The following ATXN2 variants were observed in gnomAD, a reference collection of about 807,000 sequenced individuals.
ATXN2 encodes ataxin-2.
Under a neutral mutation model 138.6 loss-of-function variants are expected in ATXN2, and 37 were observed. The observed-to-expected ratio is 0.27, with a 90% CI of 0.21 to 0.35. The LOEUF (loss-of-function observed/expected upper bound fraction) is 0.35. Ranked by LOEUF, ATXN2 falls within the 10% of genes least tolerant of loss-of-function variation. The pLI, the probability that ATXN2 is intolerant of heterozygous loss-of-function variation, is 1.00. For missense variants in ATXN2, 1,216 were observed against 1,480.3 expected (o/e 0.82, Z 2.93); for synonymous variants, 549 against 543.7 (o/e 1.01, Z -0.13).
chr12:111,595,456 A>G (rs879309236), intron 1 of ATXN2, among the ~76,000 whole-genome samples: 2 of 151,866 alleles, frequency 1.3e-5, no homozygotes, highest in Admixed American at 1.3e-4. Context: ...AAACTGGCCA[A>G]CATGGTGAAA....
rs1427880841 is a variant in ATXN2, at chr12:111,581,605, A to G, written c.251+17179T>C. The G allele has an allele frequency of 1.0e-5, 8 of 802,574 alleles. No homozygotes were observed. In the East Asian group the frequency reaches 2.0e-4, roughly 20 times the overall value. The allele number at this position is 802,574 out of a possible 1,614,324, so 49.7% of individuals were successfully genotyped here. On this transcript the variant is annotated intron_variant, in intron 1 of 24. Coordinates refer to ENST00000673436, the MANE Select transcript of ATXN2 (RefSeq NM_001372574.1). Reference sequence around the variant, plus strand: ...TGAACTCCTGCTGCCTGGGCTTCATAGCATTGGCCTACTCCGTGAAGTCTA... The same window carrying G: ...TGAACTCCTGCTGCCTGGGCTTCATGGCATTGGCCTACTCCGTGAAGTCTA...
intron 5 of ATXN2, among the ~76,000 whole-genome samples, chr12:111,534,028 C>G (rs1011624728): frequency 3.3e-5 from 5 of 151,764 alleles, no homozygotes; most frequent in African/African-American, 1.2e-4. Context: ...CAGTTATTCC[C>G]TGGTTTAGGA....
intron 5 of ATXN2, among the ~76,000 whole-genome samples, chr12:111,529,584 G>C (rs899493562): frequency 1.3e-5 from 2 of 152,122 alleles, no homozygotes; most frequent in Non-Finnish European, 2.9e-5. Context: ...TTCTGATTCT[G>C]GGCAGAAACT....
chr12:111,471,169 C>T (rs563598277), intron 18 of ATXN2: 1 of 186,400 alleles, frequency 5.4e-6, no homozygotes, highest in East Asian at 1.2e-4. Flanking sequence ...CACTAACTTT[C>T]TATCTTCCTT....
chr12:111,566,242 G>C (rs899980179), intron 1 of ATXN2, among the ~76,000 whole-genome samples: 1 of 151,932 alleles, frequency 6.6e-6, no homozygotes, highest in Admixed American at 6.6e-5. Context: ...AGACCAGCCT[G>C]ACCAACATGG....
At chr12:111,507,501 G>GC (rs1879225984) in intron 14 of ATXN2, among the ~76,000 whole-genome samples, 1 of 151,310 alleles carries the variant, frequency 6.6e-6, no homozygotes, top group Admixed American at 6.6e-5. Context: ...GTGGGGGTCA[G>GC]CCCCCGCCCG....
chr12:111,586,556 T>G (rs1427952051), intron 1 of ATXN2, among the ~76,000 whole-genome samples: 1 of 152,000 alleles, frequency 6.6e-6, no homozygotes. Context: ...CATTTAATTT[T>G]TTTGTATTTT....
At chr12:111,458,749 T>C (rs1267311335) in intron 21 of ATXN2, among the ~76,000 whole-genome samples, 3 of 152,188 alleles carry the variant, frequency 2.0e-5, no homozygotes, top group Admixed American at 1.3e-4. Context: ...AGCACAGCTT[T>C]GGGAAGAGGC....
intron 14 of ATXN2, among the ~76,000 whole-genome samples, chr12:111,507,189 T>G (rs1165475915): frequency 1.4e-5 from 2 of 139,834 alleles, no homozygotes; most frequent in African/African-American, 2.7e-5. Context: ...GAGCACCTCT[T>G]CCCGGCCGCC....
chr12:111,500,260 C>T (rs1878676732), intron 14 of ATXN2, among the ~76,000 whole-genome samples: 1 of 152,104 alleles, frequency 6.6e-6, no homozygotes, highest in African/African-American at 2.4e-5. Flanking sequence ...TATATATACA[C>T]AATAGATTAC....
chr12:111,567,516 G>A (rs746086394), intron 1 of ATXN2, among the ~76,000 whole-genome samples: 1 of 147,900 alleles, frequency 6.8e-6, no homozygotes, highest in African/African-American at 2.5e-5. Context: ...AAAAAAGAAC[G>A]TTCCAAAAAT....
Position 111,598,853 on chromosome 12 carries a change from G to T in ATXN2, c.182C>A (p.Ser61Ter). The T allele has an allele frequency of 6.7e-7, 1 of 1,483,022 alleles. No homozygotes were observed. Among genetic ancestry groups the T allele is most frequent in the Non-Finnish European group, 8.9e-7 (1 of 1,122,674 alleles). The allele number at this position is 1,483,022 out of a possible 1,614,324, so 91.9% of individuals were successfully genotyped here. ...CGAGGAGGGAGCCGTGGCCGAGGAC[G>T]AGGAGACCGAGGACGAGGACGGCGA... is the stretch of plus-strand genomic sequence containing the variant. ...APSPSSSSVS[S>*]SSATAPSSVV... Residue 61 changes from serine (S) to a stop codon, truncating the protein, a stop_gained, in exon 1 of 25, where the codon TCG becomes TAG. Transcript: ENST00000673436. LOFTEE classifies it high-confidence loss of function. This position sits in a 1 kb window ranked among gnomAD's most constrained non-coding sequence, Gnocchi z 4.5.
At chr12:111,521,766 G>GGT (rs912472221) in intron 6 of ATXN2, among the ~76,000 whole-genome samples, 1 of 152,034 alleles carries the variant, frequency 6.6e-6, no homozygotes, top group Non-Finnish European at 1.5e-5. Flanking sequence ...TTCTTTTTTT[G>GGT]GTGGGGGGGA....
At chr12:111,580,074 AAG>A (rs1321473606) in intron 1 of ATXN2, among the ~76,000 whole-genome samples, 4 of 151,948 alleles carry the variant, frequency 2.6e-5, no homozygotes, top group Non-Finnish European at 4.4e-5. Context: ...TCAGCTCCCC[AAG>A]TAGCTGGGAC....
chr12:111,534,731 AG>A (rs1380556094), intron 5 of ATXN2, among the ~76,000 whole-genome samples: 24 of 152,192 alleles, frequency 1.6e-4, no homozygotes, highest in Admixed American at 5.2e-4. Flanking sequence ...TGGAGTAAGT[AG>A]GGAGCTAGGA....
intron 23 of ATXN2, chr12:111,455,659 C>A: frequency 3.0e-6 from 1 of 333,414 alleles, no homozygotes; most frequent in South Asian, 3.0e-5. Context: ...GCCATCATCC[C>A]TGCCTGGCTT....
At chr12:111,570,869 C>T (rs987125715) in intron 1 of ATXN2, among the ~76,000 whole-genome samples, 1 of 152,182 alleles carries the variant, frequency 6.6e-6, no homozygotes, top group Admixed American at 6.6e-5. Context: ...AATGAATATA[C>T]AAACTTAATG....
At chr12:111,530,078 A>C (rs1217269663) in intron 5 of ATXN2, among the ~76,000 whole-genome samples, 1 of 152,184 alleles carries the variant, frequency 6.6e-6, no homozygotes, top group Non-Finnish European at 1.5e-5. Flanking sequence ...CACTTTCAAC[A>C]ACTTTTTAAG....
chr12:111,511,545 C>T (rs1051688537), intron 11 of ATXN2: 2 of 151,534 alleles, frequency 1.3e-5, no homozygotes, highest in South Asian at 2.1e-4. Context: ...CCGCAACCTA[C>T]ACCTCCCGGG....
Sources: allele counts gnomAD v4.1 joint callset (sites outside exome capture counted in the v4.1 genomes callset), GRCh38; gene constraint gnomAD v4.1.1; non-coding constraint Gnocchi (gnomAD v3.1); transcripts MANE v1.5; gene names NCBI Gene and HGNC (gene_info 2026-07-23, HGNC 2026-07-21).